Variants in ITGA11 observed in about 807,000 individuals in gnomAD.
ITGA11 encodes integrin subunit alpha 11.
A neutral mutation model predicts 141.9 loss-of-function variants in ITGA11; 97 were observed. The ratio of observed to expected loss-of-function variants is 0.68; its 90% confidence interval spans 0.58 to 0.81. The LOEUF is 0.81. ITGA11 is among the 30% of genes least tolerant of loss of function. The pLI is 0.00. For missense variants in ITGA11, 1,387 were observed against 1,559.2 expected (o/e 0.89, Z 1.86); for synonymous variants, 658 against 624.6 (o/e 1.05, Z -0.80).
chr15:68,415,257 C>T (rs1896862099), intron 1 of ITGA11, among the ~76,000 whole-genome samples: 1 of 152,190 alleles, frequency 6.6e-6, no homozygotes, highest in South Asian at 2.1e-4. Context: ...CTTGGCTTCC[C>T]CAGCCTTTGT....
At chr15:68,312,947 T>G in intron 23 of ITGA11, 84 bp from the exon 24 acceptor site, 1 of 1,011,870 alleles carries the variant, frequency 9.9e-7, no homozygotes. Context: ...AGAGGGCATG[T>G]GCCGGCCTCC....
At chr15:68,352,061 C>T (rs1319361037) in intron 7 of ITGA11, among the ~76,000 whole-genome samples, 1 of 145,714 alleles carries the variant, frequency 6.9e-6, no homozygotes, top group Non-Finnish European at 1.5e-5. Flanking sequence ...CCAGCCTGGG[C>T]GACAGAGTGA....
intron 26 of ITGA11, among the ~76,000 whole-genome samples, chr15:68,310,390 T>C (rs1893342332): frequency 6.6e-6 from 1 of 152,102 alleles, no homozygotes; most frequent in East Asian, 1.9e-4. Context: ...GGTACTTGTC[T>C]GGGGGAAGTA....
intron 4 of ITGA11, 155 bp from the exon 5 acceptor site, chr15:68,361,859 T>A (rs2140349012): frequency 1.7e-6 from 1 of 598,410 alleles, no homozygotes; most frequent in Admixed American, 2.9e-5. Flanking sequence ...CTAACTGAAC[T>A]CTCTCTTGCT....
chr15:68,394,676 T>C (rs756323448), intron 2 of ITGA11, among the ~76,000 whole-genome samples: 6 of 152,010 alleles, frequency 3.9e-5, no homozygotes, highest in Non-Finnish European at 8.8e-5. Context: ...ATAAAATTAA[T>C]ATGCCCATAG....
At chr15:68,347,855 G>A (rs1567138724) in intron 10 of ITGA11, among the ~76,000 whole-genome samples, 1 of 151,988 alleles carries the variant, frequency 6.6e-6, no homozygotes. Context: ...TGCACTAATG[G>A]GCCTTCTCTG....
chr15:68,335,997 T>A lies in ITGA11; in HGVS notation c.1277-152A>T. 1.1e-6 allele frequency: 1 copy of A among 903,902 alleles called. No individual in the cohort carries two copies. Among genetic ancestry groups the A allele is most frequent in the Non-Finnish European group, 1.7e-6 (1 of 602,384 alleles). 56.0% of individuals were successfully genotyped at this position (903,902 alleles called of 1,614,324 possible). On this transcript the variant is annotated intron_variant, in intron 11 of 29. Coordinates refer to ENST00000315757, the MANE Select transcript of ITGA11 (RefSeq NM_001004439.2). The surrounding 1 kb of genome is among the most constrained non-coding windows in gnomAD (Gnocchi z 4.9). Reference sequence around the variant, plus strand: ...AGATTCAATCACGCAGGGCCATAATTCCTAGGGGCAGCTGGGGAGGCCTGG... The same window carrying A: ...AGATTCAATCACGCAGGGCCATAATACCTAGGGGCAGCTGGGGAGGCCTGG...
In ITGA11 at chr15:68,311,407, T is replaced by C; in HGVS notation, c.2974-4A>G. ...GGAACAAGCCCAAGTTCTGGATCTG[T>C]GGCCAGAGACAGGGAGGTGTCAGTA... On this transcript the variant is annotated splice_polypyrimidine_tract_variant and splice_region_variant and intron_variant, in intron 24 of 29. Coordinates refer to ENST00000315757, the MANE Select transcript of ITGA11 (RefSeq NM_001004439.2). 6.5e-7 allele frequency: 1 copy of C among 1,545,852 alleles called. No homozygotes were observed. Among genetic ancestry groups the C allele is most frequent in the Non-Finnish European group, 8.8e-7 (1 of 1,139,438 alleles).
rs1893266888 is a variant in ITGA11, at chr15:68,308,360, AC to A, written c.3175-665del. Among the ~76,000 whole-genome samples, 1 of 152,204 alleles carries A rather than the reference AC, an allele frequency of 6.6e-6. No homozygotes were observed. Among genetic ancestry groups the A allele is most frequent in the Middle Eastern group, 3.2e-3 (1 of 316 alleles). On this transcript the variant is annotated intron_variant, in intron 26 of 29. Transcript: ENST00000315757. This position sits in a 1 kb window ranked among gnomAD's most constrained non-coding sequence, Gnocchi z 5.2. ...TTTATGGTGAAACTTGAGTGAAAGA[AC>A]AGTGAAATCACTGATGCTTTATAAA...
chr15:68,389,104 C>G (rs1239053779), intron 2 of ITGA11, among the ~76,000 whole-genome samples: 2 of 152,184 alleles, frequency 1.3e-5, no homozygotes, highest in Non-Finnish European at 2.9e-5. Context: ...CTCCTCTCAC[C>G]CATGTGTACT....
intron 4 of ITGA11, among the ~76,000 whole-genome samples, chr15:68,364,302 T>G (rs2140353177): frequency 6.6e-6 from 1 of 152,284 alleles, no homozygotes; most frequent in East Asian, 1.9e-4. Flanking sequence ...GCAGCCTGCT[T>G]CTTTTTTCAA....
intron 5 of ITGA11, 28 bp from the exon 6 acceptor site, chr15:68,358,613 A>G (rs1567143206): frequency 6.3e-7 from 1 of 1,597,506 alleles, no homozygotes; most frequent in African/African-American, 1.3e-5. Flanking sequence ...AGTTATGGCT[A>G]CCCAAGGAGC....
At chr15:68,367,635 G>C (rs954327271) in intron 3 of ITGA11, among the ~76,000 whole-genome samples, 1 of 152,100 alleles carries the variant, frequency 6.6e-6, no homozygotes, top group Non-Finnish European at 1.5e-5. Flanking sequence ...TTGCCTACCC[G>C]ATTACTGTCC....
chr15:68,429,311 G>A (rs941641729), intron 1 of ITGA11, among the ~76,000 whole-genome samples: 1 of 152,200 alleles, frequency 6.6e-6, no homozygotes, highest in African/African-American at 2.4e-5. Context: ...CCACCCTTAC[G>A]CTGTGTCTGA....
chr15:68,352,629 C>T (rs1894950345), intron 7 of ITGA11, among the ~76,000 whole-genome samples: 1 of 152,338 alleles, frequency 6.6e-6, no homozygotes, highest in East Asian at 1.9e-4. Context: ...TGAGGCCTGA[C>T]AGAGCTCTGA....
chr15:68,312,371 T>C (rs1395841907), intron 24 of ITGA11, among the ~76,000 whole-genome samples: 2 of 152,184 alleles, frequency 1.3e-5, no homozygotes, highest in Admixed American at 1.3e-4. Flanking sequence ...TGCAGCCATC[T>C]TGTACTGTGA....
At chr15:68,357,509 A>T (rs1377454786) in intron 6 of ITGA11, among the ~76,000 whole-genome samples, 1 of 152,212 alleles carries the variant, frequency 6.6e-6, no homozygotes, top group Non-Finnish European at 1.5e-5. Context: ...TGGCACAAGA[A>T]GGGGTGCATA....
At chr15:68,377,904 T>A (rs1269831102) in intron 2 of ITGA11, among the ~76,000 whole-genome samples, 1 of 152,160 alleles carries the variant, frequency 6.6e-6, no homozygotes, top group African/African-American at 2.4e-5. Flanking sequence ...GCCACTGTCC[T>A]CCCACTCTGG....
chr15:68,377,698 A>C (rs1297775935), intron 2 of ITGA11, among the ~76,000 whole-genome samples: 1 of 152,236 alleles, frequency 6.6e-6, no homozygotes, highest in African/African-American at 2.4e-5. Flanking sequence ...ATCACTCTAC[A>C]TATGTGGTTG....
Sources: gnomAD v4.1 joint callset for allele counts (sites outside exome capture counted in the v4.1 genomes callset) on GRCh38, gnomAD v4.1.1 for gene constraint, Gnocchi (gnomAD v3.1) non-coding constraint, MANE v1.5 for transcripts, NCBI Gene and HGNC (gene_info 2026-07-23, HGNC 2026-07-21) for gene names.